KRT222: variants seen among roughly 807,000 people sequenced by gnomAD.
KRT222 encodes keratin 222.
In KRT222, 23 loss-of-function variants were observed where a neutral mutation model predicts 35.0. The ratio of observed to expected loss-of-function variants is 0.66; its 90% CI spans 0.47 to 0.93. KRT222 has a LOEUF of 0.93. Ranked by LOEUF, KRT222 falls within the 40% of genes least tolerant of loss-of-function variation. The pLI is 0.00. For missense variants in KRT222, 339 were observed against 346.3 expected (o/e 0.98, Z 0.17); for synonymous variants, 108 against 118.8 (o/e 0.91, Z 0.59).
In KRT222 at chr17:40,662,014, T is replaced by G. The variant is rs746683314; in HGVS notation, c.127A>C (p.Lys43Gln). 5 of 1,613,998 alleles carry G rather than the reference T, an allele frequency of 3.1e-6. No homozygotes were observed. The Admixed American group carries it at 6.7e-5, about 22-fold the overall frequency. The change falls in exon 2 of 6, where the codon AAA becomes CAA. Residue 43 changes from lysine to glutamine, a missense_variant. Coordinates refer to ENST00000394052, the MANE Select transcript of KRT222 (RefSeq NM_152349.3). ...GCTGCCTTCAAAGCCTCTTCATCTT[T>G]GTCCATTTTTTTGCTTATGTCTTCT... is the stretch of plus-strand genomic sequence containing the variant. Reference protein sequence around the residue: ...LEEDISKKMDKDEEALKAAQA... With the variant: ...LEEDISKKMDQDEEALKAAQA...
chr17:40,659,959 T>G (rs1482658941), intron 3 of KRT222, 28 bp downstream of exon 3: 2 of 1,587,262 alleles, frequency 1.3e-6, no homozygotes, highest in Admixed American at 3.3e-5. Flanking sequence ...TTCTGGCCCC[T>G]TGTCATTAAC....
At chr17:40,663,955 G>A (rs2037403083) in intron 1 of KRT222, among the ~76,000 whole-genome samples, 1 of 152,086 alleles carries the variant, frequency 6.6e-6, no homozygotes, top group Non-Finnish European at 1.5e-5. Context: ...CTGTACCAGT[G>A]ACTTTGCTTA....
chr17:40,657,167 G>A (rs923489514), intron 5 of KRT222, 185 bp downstream of exon 5: 13 of 332,214 alleles, frequency 3.9e-5, no homozygotes, highest in African/African-American at 1.4e-4. Flanking sequence ...AGCCAAGATC[G>A]CGCCACTGCA....
chr17:40,664,283 A>G (rs1052591371), intron 1 of KRT222, among the ~76,000 whole-genome samples: 6 of 152,224 alleles, frequency 3.9e-5, no homozygotes, highest in African/African-American at 1.4e-4. Flanking sequence ...TTGTTACTTT[A>G]AAACTAAGTC....
At position 40,657,083 on chromosome 17, in the gene KRT222, G is replaced by A. The variant is rs533233853; in HGVS notation, c.659+269C>T. Reference sequence around the variant, plus strand: ...AAAACCCAGCTGAGTGTGGTGGCGCGCACCTGTAGTCCCAGCTACGTGGGA... The same window carrying A: ...AAAACCCAGCTGAGTGTGGTGGCGCACACCTGTAGTCCCAGCTACGTGGGA... On this transcript the variant is annotated intron_variant, in intron 5 of 5. Coordinates refer to ENST00000394052, the MANE Select transcript of KRT222 (RefSeq NM_152349.3). 2.7e-4 allele frequency: 58 copies of A among 214,828 alleles called. 1 individual carries two copies. The South Asian group carries it at 5.5e-3, about 20-fold the overall frequency. The allele number at this position is 214,828 out of a possible 1,614,324, so 13.3% of individuals were successfully genotyped here.
At chr17:40,657,856 T>A (rs1320017609) in intron 3 of KRT222, 106 bp from the exon 4 acceptor site, 25 of 731,044 alleles carry the variant, frequency 3.4e-5, no homozygotes, top group Non-Finnish European at 3.0e-5. Context: ...GAAACACTAT[T>A]TAACTGAAAA....
At position 40,656,588 on chromosome 17, in the gene KRT222, A is replaced by C. The variant is rs751082872; in HGVS notation, c.702T>G (p.Ser234=). The change falls in exon 6 of 6, where the codon TCT becomes TCG. Residue 234 remains serine, a synonymous_variant. Coordinates refer to ENST00000394052, the MANE Select transcript of KRT222 (RefSeq NM_152349.3). The part of the protein sequence containing the change: ...VDEVIKEWEG[S]FFKDNPRLRK... The stretch of plus-strand genomic sequence containing the variant: ...TCAATCGAGGGTTATCTTTAAAGAA[A>C]GAACCTTCCCATTCTTTAATAACTT... The C allele has an allele frequency of 1.2e-6, 2 of 1,612,498 alleles. No homozygotes were observed. Among genetic ancestry groups the C allele is most frequent in the East Asian group, 2.2e-5 (1 of 44,824 alleles).
intron 2 of KRT222, among the ~76,000 whole-genome samples, chr17:40,661,077 T>C (rs2037380906): frequency 6.6e-6 from 1 of 151,800 alleles, no homozygotes; most frequent in Non-Finnish European, 1.5e-5. Context: ...CCAGAGTAGC[T>C]GGGATTACAG....
rs35466162 is a variant in KRT222, at chr17:40,660,284, C to CTT, written c.226-79_226-78dup. On this transcript the variant is annotated intron_variant, in intron 2 of 5. Transcript: ENST00000394052. ...GAAATCTGATTTGCAATATCTTCAT[C>CTT]TTTTTTTTTTTTTTGAGATGGAGTC... 593 of 950,080 alleles carry CTT rather than the reference C, an allele frequency of 6.2e-4. 4 individuals are homozygous for CTT. Among genetic ancestry groups the CTT allele is most frequent in the Non-Finnish European group, 7.4e-4 (480 of 648,580 alleles). 58.9% of individuals were successfully genotyped at this position (950,080 alleles called of 1,614,324 possible).
At chr17:40,657,565 A>AATTC in intron 4 of KRT222, 78 bp from the exon 5 acceptor site, 1 of 1,445,262 alleles carries the variant, frequency 6.9e-7, no homozygotes. Context: ...ACTTTTATTC[A>AATTC]AATATTGCTT....
At position 40,661,987 on chromosome 17, in the gene KRT222, G is replaced by C; in HGVS notation, c.154C>G (p.Gln52Glu). ...DKDEEALKAA[Q>E]AELKEARRQW... ...CGTCGGGCCTCCTTGAGTTCTGCTT[G>C]AGCTGCCTTCAAAGCCTCTTCATCT... Residue 52 changes from glutamine to glutamate, a missense_variant, in exon 2 of 6, where the codon CAA becomes GAA. Physicochemically the swap from Gln to Glu is conservative, Grantham distance 29. Coordinates refer to ENST00000394052, the MANE Select transcript of KRT222 (RefSeq NM_152349.3). The C allele has an allele frequency of 6.2e-7, 1 of 1,614,088 alleles. No homozygotes were observed. Among genetic ancestry groups the C allele is most frequent in the Admixed American group, 1.7e-5 (1 of 60,012 alleles).
At chr17:40,662,373 A>G (rs2037389256) in intron 1 of KRT222, among the ~76,000 whole-genome samples, 1 of 152,182 alleles carries the variant, frequency 6.6e-6, no homozygotes, top group African/African-American at 2.4e-5. Flanking sequence ...ACTTTTCATT[A>G]TTTATGGATC....
intron 2 of KRT222, among the ~76,000 whole-genome samples, chr17:40,661,569 T>A (rs938082408): frequency 7.9e-5 from 12 of 152,216 alleles, no homozygotes; most frequent in African/African-American, 2.9e-4. Context: ...TCAGCCTAAA[T>A]ATTTTTTATT....
intron 1 of KRT222, 146 bp from the exon 2 acceptor site, chr17:40,662,190 G>C (rs1353528986): frequency 5.5e-6 from 5 of 910,068 alleles, no homozygotes; most frequent in Non-Finnish European, 8.0e-6. Flanking sequence ...GTGTCCTAGT[G>C]CCTAGTTAAC....
chr17:40,662,708 G>C (rs996829358), intron 1 of KRT222, among the ~76,000 whole-genome samples: 2 of 152,004 alleles, frequency 1.3e-5, no homozygotes, highest in African/African-American at 4.8e-5. Flanking sequence ...TCTAAGGATT[G>C]TTTTCTAAAT....
At position 40,655,110 on chromosome 17, in the gene KRT222, G is replaced by C. The variant is rs1351395293; in HGVS notation, c.*1292C>G. On this transcript the variant is annotated 3_prime_UTR_variant, in exon 6 of 6. Transcript: ENST00000394052. Reference sequence around the variant, plus strand: ...AGAGAGAGATAGAGGAGAAGAGAGAGGAGAGAGAGAGAGAAATATTTTAAA... The same window carrying C: ...AGAGAGAGATAGAGGAGAAGAGAGACGAGAGAGAGAGAGAAATATTTTAAA... 1 of 147,892 alleles carries C rather than the reference G, an allele frequency of 6.8e-6. No individual in the cohort carries two copies. Among genetic ancestry groups the C allele is most frequent in the East Asian group, 2.0e-4 (1 of 5,100 alleles). The allele number at this position is 147,892 out of a possible 1,614,324, so 9.2% of individuals were successfully genotyped here. A position where few individuals can be genotyped will look rare whatever the true frequency, so the allele number is the denominator to read the frequency against.
chr17:40,658,928 C>T (rs1046765048), intron 3 of KRT222, among the ~76,000 whole-genome samples: 3 of 152,062 alleles, frequency 2.0e-5, no homozygotes, highest in African/African-American at 7.2e-5. Flanking sequence ...AATCATGACT[C>T]AAAATAATAT....
chr17:40,656,755 A>C, intron 5 of KRT222, 125 bp from the exon 6 acceptor site: 1 of 561,826 alleles, frequency 1.8e-6, no homozygotes, highest in South Asian at 2.8e-5. Flanking sequence ...TAGAATTTAT[A>C]ATGTACATAC....
At chr17:40,659,088 G>C (rs2037363823) in intron 3 of KRT222, among the ~76,000 whole-genome samples, 1 of 151,774 alleles carries the variant, frequency 6.6e-6, no homozygotes, top group African/African-American at 2.4e-5. Flanking sequence ...AGAAGGCACA[G>C]ACTAATCCTA....
Sources: allele counts gnomAD v4.1 joint callset (sites outside exome capture counted in the v4.1 genomes callset), GRCh38; gene constraint gnomAD v4.1.1; transcripts MANE v1.5; gene names NCBI Gene and HGNC (gene_info 2026-07-23, HGNC 2026-07-21).